The following KCNK4 variants were observed in gnomAD, a reference collection of about 807,000 sequenced individuals.
The protein encoded by KCNK4 is potassium channel subfamily K member 4.
Under a neutral mutation model 28.8 loss-of-function variants are expected in KCNK4, and 22 were observed. The ratio of observed to expected loss-of-function variants is 0.76; its 90% CI spans 0.55 to 1.09. The LOEUF (loss-of-function observed/expected upper bound fraction) is 1.09, where lower values mean the gene tolerates loss of function less well. Among genes scored for constraint, KCNK4 ranks in the 50% least tolerant of loss-of-function variants. The pLI, the probability that KCNK4 is intolerant of heterozygous loss-of-function variation, is 0.00. For missense variants in KCNK4, 483 were observed against 546.3 expected (o/e 0.88, Z 1.15); for synonymous variants, 263 against 252.9 (o/e 1.04, Z -0.38).
chr11:64,299,395 C>T lies in KCNK4; in HGVS notation c.851C>T (p.Ala284Val), dbSNP rs1165305650. 1.3e-6 allele frequency: 2 copies of T among 1,573,222 alleles called. No homozygotes were observed. Among genetic ancestry groups the T allele is most frequent in the Non-Finnish European group, 1.7e-6 (2 of 1,162,316 alleles). Residue 284 changes from alanine (A) to valine (V), a missense_variant, in exon 7 of 7, where the codon GCG becomes GTG. Ala to Val is a moderately conservative substitution (Grantham distance 64). Coordinates refer to ENST00000422670, the MANE Select transcript of KCNK4 (RefSeq NM_033310.3). The stretch of plus-strand genomic sequence containing the variant: ...GCCAGCTGGACTGGCACGGTGACAG[C>T]GCGCGTGACCCAGCGAGCCGGGCCC... Reference protein sequence around the residue: ...QAASWTGTVTARVTQRAGPAA... With the variant: ...QAASWTGTVTVRVTQRAGPAA...
chr11:64,297,276 C>T lies in KCNK4; in HGVS notation c.471C>T (p.Phe157=), dbSNP rs772942947. The stretch of plus-strand genomic sequence containing the variant: ...GCATCGGTCACATTGAAGCCATCTT[C>T]TTGGTGAGCTGCTCCATGCCCTGCC... The part of the protein sequence containing the change: ...RHGIGHIEAI[F]LKWHVPPELV... The change falls in exon 4 of 7, where the codon TTC becomes TTT. Residue 157 remains phenylalanine, a synonymous_variant. Transcript: ENST00000422670. 1 of 1,611,150 alleles carries T rather than the reference C, an allele frequency of 6.2e-7. No individual in the cohort carries two copies.
intron 1 of KCNK4, chr11:64,292,629 A>G (rs1188680150): frequency 1.2e-5 from 2 of 161,450 alleles, no homozygotes; most frequent in Non-Finnish European, 2.7e-5. Flanking sequence ...AGCTCCACAC[A>G]TTTCCTCGCT....
At chr11:64,297,678 A>C in intron 5 of KCNK4, 25 bp downstream of exon 5, 1 of 1,598,724 alleles carries the variant, frequency 6.3e-7, no homozygotes, top group Non-Finnish European at 8.5e-7. Context: ...CTTGTGCTGC[A>C]CTTTCCCATC....
At position 64,299,910 on chromosome 11, in the gene KCNK4, C is replaced by CA; in HGVS notation, c.*186dup. On this transcript the variant is annotated 3_prime_UTR_variant, in exon 7 of 7. Coordinates refer to ENST00000422670, the MANE Select transcript of KCNK4 (RefSeq NM_033310.3). The stretch of plus-strand genomic sequence containing the variant: ...ACTTCCATCCATCTCTAGACCCCCC[C>CA]AAGGCTTTCTGTGTCGCTGCCCCGG... The CA allele has an allele frequency of 8.5e-7, 1 of 1,180,638 alleles. No homozygotes were observed. Among genetic ancestry groups the CA allele is most frequent in the Non-Finnish European group, 1.2e-6 (1 of 844,552 alleles). The allele number at this position is 1,180,638 out of a possible 1,614,324, so 73.1% of individuals were successfully genotyped here.
At chr11:64,291,930 C>A in intron 1 of KCNK4, 1 of 745,744 alleles carries the variant, frequency 1.3e-6, no homozygotes, top group Non-Finnish European at 1.7e-6. Flanking sequence ...CCGCCACGCT[C>A]CGAGGCGTCG....
intron 1 of KCNK4, chr11:64,292,237 CG>C (rs1278128624): frequency 3.1e-6 from 1 of 319,822 alleles, no homozygotes; most frequent in Non-Finnish European, 4.5e-6. Context: ...TGGGCGCCGC[CG>C]CCCGCTGTCT....
Position 64,293,162 on chromosome 11 carries a change from G to A in KCNK4, c.144G>A (p.Arg48=), listed in dbSNP as rs1241597073. The A allele has an allele frequency of 7.9e-6, 12 of 1,524,290 alleles. No individual in the cohort carries two copies. The South Asian group carries it at 1.4e-4, about 17-fold the overall frequency. 94.4% of individuals were successfully genotyped at this position (1,524,290 alleles called of 1,614,324 possible). ...GGGAGGTCCGAGAGAAGTTCCTGAG[G>A]GCCCATCCGTGTGTGAGCGACCAGG... ...ELGEVREKFL[R]AHPCVSDQEL... Residue 48 remains arginine (R), a synonymous_variant, in exon 2 of 7, where the codon AGG becomes AGA. Transcript: ENST00000422670.
intron 2 of KCNK4, 96 bp downstream of exon 2, chr11:64,293,303 C>A: frequency 1.5e-6 from 2 of 1,313,360 alleles, no homozygotes; most frequent in South Asian, 1.8e-5. Context: ...GCTTTCAGAT[C>A]AGTATCCCTG....
Position 64,296,982 on chromosome 11 carries a change from G to T in KCNK4, c.294G>T (p.Gly98=), listed in dbSNP as rs149463068. 3 of 1,529,214 alleles carry T rather than the reference G, an allele frequency of 2.0e-6. No homozygotes were observed. The highest frequency in any genetic ancestry group is 4.6e-5 in the East Asian group (2 of 43,938). 94.7% of individuals were successfully genotyped at this position (1,529,214 alleles called of 1,614,324 possible). A position where few individuals can be genotyped will look rare whatever the true frequency, so the allele number is the denominator to read the frequency against. Residue 98 remains glycine, a synonymous_variant, in exon 3 of 7, where the codon GGG becomes GGT. Transcript: ENST00000422670. ...WDLGSAFFFS[G]TIITTIGYGN... ...TGGGCAGCGCCTTCTTTTTCTCAGG[G>T]ACCATCATCACCACCATCGGTGGGG...
At chr11:64,298,934 G>T (rs2034847122) in intron 6 of KCNK4, among the ~76,000 whole-genome samples, 1 of 151,048 alleles carries the variant, frequency 6.6e-6, no homozygotes, top group South Asian at 2.1e-4. Context: ...CAAGCTACTT[G>T]GAGGGCTGAG....
chr11:64,297,795 A>C (rs2034813785), intron 5 of KCNK4, 142 bp downstream of exon 5: 1 of 863,560 alleles, frequency 1.2e-6, no homozygotes. Context: ...ACAGCCTTGC[A>C]CACACACCAG....
rs190035724 is a variant in KCNK4, at chr11:64,299,807, C to G, written c.*81C>G. ...GCCTGGCTTGTTTGACCAAAGAGCC[C>G]TCTTTCCACGAGACTGAAGTCTGGG... On this transcript the variant is annotated 3_prime_UTR_variant, in exon 7 of 7. Transcript: ENST00000422670. 62 of 1,535,790 alleles carry G rather than the reference C, an allele frequency of 4.0e-5. No homozygotes were observed. The African/African-American group carries it at 8.2e-4, about 20-fold the overall frequency.
Position 64,291,980 on chromosome 11 carries a change from G to A in KCNK4, c.-78+414G>A, listed in dbSNP as rs565945398. 9.8e-4 allele frequency: 1,086 copies of A among 1,112,958 alleles called. 8 individuals are homozygous for A. The African/African-American group carries it at 0.016, about 17-fold the overall frequency. The allele number at this position is 1,112,958 out of a possible 1,614,324, so 68.9% of individuals were successfully genotyped here. On this transcript the variant is annotated intron_variant, in intron 1 of 6. Coordinates refer to ENST00000422670, the MANE Select transcript of KCNK4 (RefSeq NM_033310.3). ...GGGAGGCGGTGGGAGCGAGCTGCGG[G>A]CGCTGCGCGGTGGCCCTGCTGTCTG...
chr11:64,297,364 A>G, intron 4 of KCNK4, 85 bp downstream of exon 4: 1 of 1,573,524 alleles, frequency 6.4e-7, no homozygotes, highest in Non-Finnish European at 8.6e-7. Context: ...GCGCCCCCAA[A>G]GACCATAAGC....
rs774121312 is a variant in KCNK4, at chr11:64,297,184, G to A, written c.379G>A (p.Gly127Arg). The part of the protein sequence containing the change: ...RLFCIFYALV[G>R]IPLFGILLAG... ...CTTCTGCATCTTTTATGCGCTGGTG[G>A]GGATTCCGCTGTTTGGGATCCTACT... Residue 127 changes from glycine to arginine, a missense_variant, in exon 4 of 7, where the codon GGG (glycine) becomes AGG (arginine). Gly to Arg is a moderately radical substitution (Grantham distance 125). Coordinates refer to ENST00000422670, the MANE Select transcript of KCNK4 (RefSeq NM_033310.3). 1 of 1,614,130 alleles carries A rather than the reference G, an allele frequency of 6.2e-7. No homozygotes were observed. Among genetic ancestry groups the A allele is most frequent in the South Asian group, 1.1e-5 (1 of 91,082 alleles).
intron 2 of KCNK4, among the ~76,000 whole-genome samples, chr11:64,295,488 C>A (rs977596640): frequency 3.9e-5 from 6 of 152,142 alleles, no homozygotes; most frequent in Non-Finnish European, 7.3e-5. Flanking sequence ...TTAGAACACA[C>A]AGGATGACAA....
At chr11:64,299,157 TTG>T (rs2034855829) in intron 6 of KCNK4, among the ~76,000 whole-genome samples, 187 bp from the exon 7 acceptor site, 1 of 151,738 alleles carries the variant, frequency 6.6e-6, no homozygotes, top group Non-Finnish European at 1.5e-5. Context: ...GCCAGGCGAT[TTG>T]TATTTTGCCA....
intron 6 of KCNK4, 27 bp from the exon 7 acceptor site, chr11:64,299,319 C>T: frequency 6.7e-7 from 1 of 1,499,958 alleles, no homozygotes; most frequent in Non-Finnish European, 8.9e-7. Flanking sequence ...GACCTCTAGT[C>T]GAGGGCTGCT....
At chr11:64,292,209 C>A in intron 1 of KCNK4, 2 of 597,682 alleles carry the variant, frequency 3.3e-6, no homozygotes, top group Non-Finnish European at 4.2e-6. Flanking sequence ...GCGGCGCGTG[C>A]CGGGGCGTGT....
Sources: allele counts gnomAD v4.1 joint callset (sites outside exome capture counted in the v4.1 genomes callset), GRCh38; gene constraint gnomAD v4.1.1; transcripts MANE v1.5; gene names NCBI Gene and HGNC (gene_info 2026-07-23, HGNC 2026-07-21).